The following C2orf74 variants were observed in gnomAD, a reference collection of about 807,000 sequenced individuals.
The protein encoded by C2orf74 is DPM1 ER membrane anchor 1.
Under a neutral mutation model 17.9 loss-of-function variants are expected in C2orf74, and 14 were observed. The ratio of observed to expected loss-of-function variants is 0.78; its 90% CI spans 0.52 to 1.22. C2orf74 has a LOEUF of 1.22. Ranked by LOEUF, C2orf74 falls within the 50% of genes most tolerant of loss-of-function variation. The pLI is 0.00. For missense variants in C2orf74, 217 were observed against 218.4 expected (o/e 0.99, Z 0.04); for synonymous variants, 79 against 72.6 (o/e 1.09, Z -0.44).
At chr2:61,159,278 G>C, upstream of C2orf74, 1 of 373,484 alleles carries the variant, frequency 2.7e-6, no homozygotes, top group South Asian at 2.1e-5. Flanking sequence ...TTACAGGCGT[G>C]AGCCACCACA....
chr2:61,161,018 A>C (rs1250367719), upstream of C2orf74, among the ~76,000 whole-genome samples: 4 of 152,344 alleles, frequency 2.6e-5, no homozygotes, highest in South Asian at 6.2e-4. Flanking sequence ...ACCATTTTAC[A>C]TTCCCACCAA....
rs1444464173 is a variant in C2orf74, at chr2:61,164,511, A to G, written c.548A>G (p.His183Arg). ...YPTPRSYTRE[H>R]KERK Reference sequence around the variant, plus strand: ...ACACCTCGAAGCTATACTCGAGAACATAAAGAGAGGAAATGAAGCTCAAAA... The same window carrying G: ...ACACCTCGAAGCTATACTCGAGAACGTAAAGAGAGGAAATGAAGCTCAAAA... Residue 183 changes from histidine (H) to arginine (R), a missense_variant, in exon 5 of 5, where the codon CAT becomes CGT. His to Arg is a conservative substitution (Grantham distance 29). Transcript: ENST00000432605. 9 of 1,529,014 alleles carry G rather than the reference A, an allele frequency of 5.9e-6. No homozygotes were observed. The highest frequency in any genetic ancestry group is 7.0e-6 in the Non-Finnish European group (8 of 1,139,056). The allele number at this position is 1,529,014 out of a possible 1,614,324, so 94.7% of individuals were successfully genotyped here.
intron 4 of C2orf74, 108 bp downstream of exon 4, chr2:61,163,340 G>A: frequency 8.2e-7 from 1 of 1,219,438 alleles, no homozygotes; most frequent in Non-Finnish European, 1.1e-6. Context: ...CCGGGCGGGT[G>A]GCTCACGCCT....
chr2:61,161,487 A>C (rs970008901), upstream of C2orf74, among the ~76,000 whole-genome samples: 1 of 152,206 alleles, frequency 6.6e-6, no homozygotes, highest in Non-Finnish European at 1.5e-5. Context: ...AGAGATGATA[A>C]TATGTTTATT....
intron 1 of C2orf74, among the ~76,000 whole-genome samples, chr2:61,153,655 G>A (rs1235692944): frequency 4.7e-5 from 7 of 150,508 alleles, no homozygotes; most frequent in African/African-American, 1.2e-4. Flanking sequence ...TTGGGAGGCC[G>A]AGGTGGGCAG....
intron 1 of C2orf74, among the ~76,000 whole-genome samples, chr2:61,150,823 G>C (rs2105015879): frequency 6.6e-6 from 1 of 152,296 alleles, no homozygotes; most frequent in African/African-American, 2.4e-5. Context: ...TGGCTACTTT[G>C]AATAGTTTCA....
upstream of C2orf74, among the ~76,000 whole-genome samples, chr2:61,160,549 C>T (rs1685534974): frequency 2.0e-5 from 3 of 151,780 alleles, no homozygotes; most frequent in Admixed American, 2.0e-4. Flanking sequence ...TACTCTGTCA[C>T]CCAGGCTGGA....
chr2:61,160,556 T>A (rs1685535334), upstream of C2orf74, among the ~76,000 whole-genome samples: 1 of 151,964 alleles, frequency 6.6e-6, no homozygotes, highest in South Asian at 2.1e-4. Flanking sequence ...TCACCCAGGC[T>A]GGAGTGCAAT....
upstream of C2orf74, chr2:61,157,901 G>T (rs555826317): frequency 3.6e-4 from 172 of 471,256 alleles, no homozygotes; most frequent in South Asian, 2.1e-3. Flanking sequence ...TTAGGGAGGT[G>T]GTTGGGGATT....
In C2orf74 at chr2:61,149,144, C is replaced by G. The variant is rs550145299; in HGVS notation, c.-122+3948C>G. ...TTGCTTCAGATATGAAGCCTAACTA[C>G]GGAGACCAAAAAATATCTCCCCTCT... On this transcript the variant is annotated intron_variant, in intron 1 of 3. Coordinates refer to the C2orf74 transcript ENST00000426997. Among the ~76,000 whole-genome samples, 4 of 152,278 alleles carry G rather than the reference C, an allele frequency of 2.6e-5. No individual in the cohort carries two copies. In the East Asian group the frequency reaches 7.7e-4, roughly 29 times the overall value.
intron 1 of C2orf74, among the ~76,000 whole-genome samples, chr2:61,149,035 A>G (rs761219194): frequency 2.0e-5 from 3 of 152,228 alleles, no homozygotes; most frequent in Non-Finnish European, 2.9e-5. Context: ...CAAAACAAAC[A>G]AGAAGTCCTC....
intron 1 of C2orf74, among the ~76,000 whole-genome samples, chr2:61,153,335 C>G (rs889259714): frequency 9.9e-5 from 15 of 151,932 alleles, no homozygotes; most frequent in African/African-American, 3.6e-4. Flanking sequence ...GTCTGGAGTG[C>G]AGTGGCGCGA....
chr2:61,164,337 G>A lies in C2orf74; in HGVS notation c.391-17G>A. On this transcript the variant is annotated splice_polypyrimidine_tract_variant and intron_variant, in intron 4 of 4. Coordinates refer to ENST00000432605, the MANE Select transcript of C2orf74 (RefSeq NM_001143959.4). ...AATTGATTATTTGTTTATATTGTTT[G>A]TCCCATTCTCTTGCAGGATGATGGT... The A allele has an allele frequency of 1.3e-6, 2 of 1,519,562 alleles. No individual in the cohort carries two copies. The highest frequency in any genetic ancestry group is 1.8e-6 in the Non-Finnish European group (2 of 1,132,142). 94.1% of individuals were successfully genotyped at this position (1,519,562 alleles called of 1,614,324 possible).
At chr2:61,148,396 A>C (rs1453663204) in intron 1 of C2orf74, among the ~76,000 whole-genome samples, 1 of 152,044 alleles carries the variant, frequency 6.6e-6, no homozygotes, top group Non-Finnish European at 1.5e-5. Context: ...CATGTTGGCC[A>C]GGCTGGTCTC....
intron 1 of C2orf74, among the ~76,000 whole-genome samples, chr2:61,153,496 G>C (rs190953489): frequency 1.3e-5 from 2 of 151,276 alleles, no homozygotes; most frequent in Non-Finnish European, 3.0e-5. Flanking sequence ...GTTAGCCAGG[G>C]TGGTCTCAAT....
At chr2:61,164,077 C>T (rs551830708) in intron 4 of C2orf74, among the ~76,000 whole-genome samples, 21 of 152,212 alleles carry the variant, frequency 1.4e-4, no homozygotes, top group African/African-American at 5.1e-4. Context: ...TGGCCATGCC[C>T]GGTTGACGAC....
chr2:61,163,205 G>A lies in C2orf74; in HGVS notation c.363G>A (p.Glu121=). ...ENQINEKQEP[E]NAGETGQEED... ...AAATAAATGAGAAGCAAGAGCCTGA[G>A]AATGCTGGAGAAACTGGTCAAGAAG... The change falls in exon 4 of 5, where the codon GAG becomes GAA. Residue 121 remains glutamate, a synonymous_variant. Transcript: ENST00000432605. 1 of 1,552,070 alleles carries A rather than the reference G, an allele frequency of 6.4e-7. No individual in the cohort carries two copies. Among genetic ancestry groups the A allele is most frequent in the Non-Finnish European group, 8.7e-7 (1 of 1,147,058 alleles).
At chr2:61,160,919 A>G (rs561430552), upstream of C2orf74, among the ~76,000 whole-genome samples, 13 of 152,222 alleles carry the variant, frequency 8.5e-5, no homozygotes, top group Non-Finnish European at 1.6e-4. Context: ...TTCTTTGTGT[A>G]TACACCCAGA....
intron 1 of C2orf74, among the ~76,000 whole-genome samples, chr2:61,155,847 A>G (rs1188537380): frequency 1.3e-5 from 2 of 151,128 alleles, no homozygotes; most frequent in Non-Finnish European, 2.9e-5. Flanking sequence ...TTTTTTAAAC[A>G]GTTTTAAAGC....
Sources: gnomAD v4.1 joint callset for allele counts (sites outside exome capture counted in the v4.1 genomes callset) on GRCh38, gnomAD v4.1.1 for gene constraint, MANE v1.5 for transcripts, NCBI Gene and HGNC (gene_info 2026-07-23, HGNC 2026-07-21) for gene names.